FUT9: variants seen among roughly 807,000 people sequenced by gnomAD.
The protein encoded by FUT9 is fucosyltransferase 9, also known as 4-galactosyl-N-acetylglucosaminide 3-alpha-L-fucosyltransferase 9.
In FUT9, 15 loss-of-function variants were observed where a neutral mutation model predicts 29.7. The observed-to-expected ratio is 0.51, with a 90% CI of 0.34 to 0.78. The LOEUF is 0.78. Among genes scored for constraint, FUT9 ranks in the 30% least tolerant of loss-of-function variants. The pLI is 0.01. For synonymous variants in FUT9, 169 were observed against 153.7 expected, an observed-to-expected ratio of 1.10 and a Z score of -0.74; for missense variants, 319 against 425.4, an observed-to-expected ratio of 0.75 and a Z score of 2.20.
At chr6:96,173,879 T>C (rs980762508) in intron 2 of FUT9, among the ~76,000 whole-genome samples, 4 of 152,128 alleles carry the variant, frequency 2.6e-5, no homozygotes, top group African/African-American at 7.2e-5. Context: ...AGCCATATTG[T>C]TGTCATTAAA....
At chr6:96,179,831 C>T (rs1273732196) in intron 2 of FUT9, among the ~76,000 whole-genome samples, 1 of 151,984 alleles carries the variant, frequency 6.6e-6, no homozygotes, top group Non-Finnish European at 1.5e-5. Flanking sequence ...TTCTTAATCT[C>T]GTACAGCCAG....
intron 2 of FUT9, 124 bp from the exon 3 acceptor site, chr6:96,203,024 G>T: frequency 1.4e-6 from 1 of 711,438 alleles, no homozygotes; most frequent in Non-Finnish European, 2.3e-6. Flanking sequence ...CACTGAAAAG[G>T]AAAATGCAGT....
Position 96,210,663 on chromosome 6 carries a change from A to T in FUT9, c.*6428A>T, listed in dbSNP as rs1290684089. 6.0e-6 allele frequency: 1 copy of T among 166,946 alleles called. No homozygotes were observed. The highest frequency in any genetic ancestry group is 1.5e-5 in the Non-Finnish European group (1 of 68,048). 10.3% of individuals were successfully genotyped at this position (166,946 alleles called of 1,614,324 possible). ...GCATGTTTATATTTTGCAACAGGAAAGACTGGTCTAGACAATTACTAGGAT... is the reference window on the plus strand; with the variant it reads ...GCATGTTTATATTTTGCAACAGGAATGACTGGTCTAGACAATTACTAGGAT... On this transcript the variant is annotated 3_prime_UTR_variant, in exon 3 of 3. Coordinates refer to ENST00000302103, the MANE Select transcript of FUT9 (RefSeq NM_006581.4).
chr6:96,191,172 C>G (rs1773501104), intron 2 of FUT9, among the ~76,000 whole-genome samples: 1 of 151,926 alleles, frequency 6.6e-6, no homozygotes, highest in Non-Finnish European at 1.5e-5. Context: ...CACTCTAGAC[C>G]CTTTTTGCCT....
intron 2 of FUT9, among the ~76,000 whole-genome samples, chr6:96,179,406 A>C (rs972238507): frequency 1.3e-5 from 2 of 152,156 alleles, no homozygotes; most frequent in African/African-American, 4.8e-5. Flanking sequence ...TAGTGTCATT[A>C]TAATGCAAGT....
intron 2 of FUT9, among the ~76,000 whole-genome samples, chr6:96,163,606 G>A (rs1018431951): frequency 6.6e-6 from 1 of 151,760 alleles, no homozygotes; most frequent in African/African-American, 2.4e-5. Flanking sequence ...CCTTTTTTTT[G>A]TCTATAAATT....
intron 1 of FUT9, among the ~76,000 whole-genome samples, chr6:96,075,552 C>G (rs1771130619): frequency 6.6e-6 from 1 of 152,058 alleles, no homozygotes; most frequent in Non-Finnish European, 1.5e-5. Flanking sequence ...TTATGTATAA[C>G]TTTTTATTTC....
chr6:96,126,066 C>T (rs375337069), intron 2 of FUT9, among the ~76,000 whole-genome samples: 34 of 152,276 alleles, frequency 2.2e-4, no homozygotes, highest in African/African-American at 7.7e-4. Flanking sequence ...CTTCTACCCC[C>T]AATAGTGCTT....
In FUT9 at chr6:96,213,067, A is replaced by G. The variant is rs1773969176; in HGVS notation, c.*8832A>G. 6.0e-6 allele frequency: 1 copy of G among 166,958 alleles called. No homozygotes were observed. The highest frequency in any genetic ancestry group is 1.5e-5 in the Non-Finnish European group (1 of 68,014). 10.3% of individuals were successfully genotyped at this position (166,958 alleles called of 1,614,324 possible). ...TAATTTAATTAGCCTGGCACAGTGC[A>G]CAAACTGCCATATATTCGTGCAGAT... On this transcript the variant is annotated 3_prime_UTR_variant, in exon 3 of 3. Transcript: ENST00000302103.
intron 1 of FUT9, among the ~76,000 whole-genome samples, chr6:96,092,879 A>C (rs1408387070): frequency 2.0e-5 from 3 of 151,512 alleles, no homozygotes; most frequent in African/African-American, 7.3e-5. Context: ...TCCCACCTCA[A>C]CCTCCTGAGT....
At chr6:96,111,811 T>G (rs573278887) in intron 1 of FUT9, among the ~76,000 whole-genome samples, 1 of 152,330 alleles carries the variant, frequency 6.6e-6, no homozygotes, top group East Asian at 1.9e-4. Flanking sequence ...TATGTATATA[T>G]GACAGATGTT....
At chr6:96,193,434 C>T (rs1315860956) in intron 2 of FUT9, among the ~76,000 whole-genome samples, 3 of 141,166 alleles carry the variant, frequency 2.1e-5, no homozygotes, top group African/African-American at 7.7e-5. Flanking sequence ...TTTATGCAGC[C>T]AAAAAACAGA....
chr6:96,017,805 T>C (rs1358512304), intron 1 of FUT9, among the ~76,000 whole-genome samples: 3 of 152,200 alleles, frequency 2.0e-5, no homozygotes, highest in Admixed American at 6.5e-5. Context: ...TTCTTGCTCT[T>C]GCAGTTGGTG....
intron 2 of FUT9, among the ~76,000 whole-genome samples, chr6:96,184,900 T>C (rs1204007588): frequency 6.6e-6 from 1 of 152,038 alleles, no homozygotes. Flanking sequence ...TCCATCAAAG[T>C]TTAGGTTTGT....
intron 2 of FUT9, among the ~76,000 whole-genome samples, chr6:96,184,885 A>C (rs1773376492): frequency 6.6e-6 from 1 of 152,114 alleles, no homozygotes; most frequent in South Asian, 2.1e-4. Flanking sequence ...GCCATGTCTC[A>C]TAAATCCATC....
At chr6:96,163,987 T>C (rs9390953) in intron 2 of FUT9, among the ~76,000 whole-genome samples, 138,786 of 152,196 alleles carry the variant, frequency 0.91, 64,651 homozygotes, top group Non-Finnish European at 1. Flanking sequence ...ATCCTGACAA[T>C]ATATGCCCAA....
intron 2 of FUT9, among the ~76,000 whole-genome samples, chr6:96,119,250 C>T (rs946878613): frequency 4.6e-5 from 7 of 152,060 alleles, no homozygotes; most frequent in African/African-American, 7.2e-5. Context: ...TACAGGTGTA[C>T]GATTTTTTAT....
intron 2 of FUT9, among the ~76,000 whole-genome samples, chr6:96,152,867 C>T (rs1446537573): frequency 6.6e-6 from 1 of 152,150 alleles, no homozygotes; most frequent in Non-Finnish European, 1.5e-5. Context: ...CAAAGCAATA[C>T]CTGAGAAGCA....
chr6:96,041,406 T>C (rs1294379061), intron 1 of FUT9, among the ~76,000 whole-genome samples: 1 of 152,206 alleles, frequency 6.6e-6, no homozygotes, highest in Non-Finnish European at 1.5e-5. Flanking sequence ...TAATTCAAAA[T>C]TAAATGTAAT....
Sources: gnomAD v4.1 joint callset for allele counts (sites outside exome capture counted in the v4.1 genomes callset) on GRCh38, gnomAD v4.1.1 for gene constraint, MANE v1.5 for transcripts, NCBI Gene and HGNC (gene_info 2026-07-23, HGNC 2026-07-21) for gene names.